The following MDGA2 variants were observed in gnomAD, a reference collection of about 807,000 sequenced individuals.
MDGA2 encodes MAM domain containing glycosylphosphatidylinositol anchor 2.
In MDGA2, 40 loss-of-function variants were observed where a neutral mutation model predicts 117.8. The observed-to-expected ratio is 0.34, with a 90% CI of 0.26 to 0.44. MDGA2 has a LOEUF of 0.44. Among genes scored for constraint, MDGA2 ranks in the 20% least tolerant of loss-of-function variants. The probability of loss-of-function intolerance (pLI) is 1.00; values close to 1 mark genes in which losing one functional copy is unlikely to be tolerated. For missense variants in MDGA2, 1,123 were observed against 1,250.6 expected (o/e 0.90, Z 1.54); for synonymous variants, 452 against 439.0 (o/e 1.03, Z -0.37).
chr14:47,540,158 C>T (rs1010356919), intron 1 of MDGA2, among the ~76,000 whole-genome samples: 6 of 152,060 alleles, frequency 3.9e-5, no homozygotes, highest in Non-Finnish European at 7.4e-5. Flanking sequence ...GGACTACAGG[C>T]GCCCGCCACC....
At chr14:46,946,559 T>G (rs960075930) in intron 9 of MDGA2, among the ~76,000 whole-genome samples, 1 of 152,076 alleles carries the variant, frequency 6.6e-6, no homozygotes, top group African/African-American at 2.4e-5. Context: ...GCCTGAAATA[T>G]TCATTCAATA....
At position 47,097,008 on chromosome 14, in the gene MDGA2, G is replaced by A; in HGVS notation, c.1041C>T (p.Val347=). The A allele has an allele frequency of 6.2e-7, 1 of 1,613,338 alleles. No individual in the cohort carries two copies. The highest frequency in any genetic ancestry group is 8.5e-7 in the Non-Finnish European group (1 of 1,179,490). ...TTTCAGGCAGAGTCCCAAAGGACCT[G>A]ACCCAGGTGAGAGAAGGTGCAGGCT... ...GGEPAPSLTW[V]RSFGTLPEKT... Residue 347 remains valine, a synonymous_variant, in exon 6 of 17, where the codon GTC becomes GTT. Coordinates refer to ENST00000399232, the MANE Select transcript of MDGA2 (RefSeq NM_001113498.3).
intron 1 of MDGA2, among the ~76,000 whole-genome samples, chr14:47,496,802 T>C (rs1202421452): frequency 6.6e-6 from 1 of 151,406 alleles, no homozygotes; most frequent in Non-Finnish European, 1.5e-5. Context: ...ACATATATGC[T>C]CAGTAAAATA....
chr14:46,839,942 A>G (rs1488263321), downstream of MDGA2: 4 of 151,984 alleles, frequency 2.6e-5, no homozygotes, highest in African/African-American at 7.2e-5. Flanking sequence ...AGGGGAGTGC[A>G]TCAGGGAGTT....
Position 47,390,511 on chromosome 14 carries a change from A to G in MDGA2, c.281-88961T>C, listed in dbSNP as rs549633189. 2.6e-5 allele frequency among the ~76,000 whole-genome samples: 4 copies of G among 152,312 alleles called. No homozygotes were observed. The South Asian group carries it at 8.3e-4, about 32-fold the overall frequency. ...GACAATATGCATGGTCACCCCAATT[A>G]CCAAATTAAGTTAGGATGAATTATG... On this transcript the variant is annotated intron_variant, in intron 1 of 16. Transcript: ENST00000399232.
At chr14:47,263,718 T>C (rs1448412179) in intron 2 of MDGA2, among the ~76,000 whole-genome samples, 1 of 152,182 alleles carries the variant, frequency 6.6e-6, no homozygotes, top group Non-Finnish European at 1.5e-5. Context: ...TGCTTGCATT[T>C]GGCAGAAGAT....
At chr14:47,006,263 T>C (rs1011062320) in intron 8 of MDGA2, among the ~76,000 whole-genome samples, 2 of 151,128 alleles carry the variant, frequency 1.3e-5, no homozygotes, top group African/African-American at 4.8e-5. Flanking sequence ...TTTTGTCTCA[T>C]GTTGTTTTCA....
chr14:47,633,724 A>C (rs1897277436), intron 1 of MDGA2, among the ~76,000 whole-genome samples: 1 of 152,178 alleles, frequency 6.6e-6, no homozygotes, highest in Non-Finnish European at 1.5e-5. Context: ...AATTCTACTG[A>C]TGCTGCTATA....
At chr14:47,114,122 C>T (rs927071654) in intron 5 of MDGA2, among the ~76,000 whole-genome samples, 2 of 152,054 alleles carry the variant, frequency 1.3e-5, no homozygotes, top group Admixed American at 1.3e-4. Flanking sequence ...AGTAGACAAG[C>T]AGAGAGCCAA....
chr14:47,537,324 G>T (rs1012032645), intron 1 of MDGA2, among the ~76,000 whole-genome samples: 4 of 104,504 alleles, frequency 3.8e-5, no homozygotes. Context: ...GGGGAGGGGG[G>T]AGGGATAGCA....
intron 6 of MDGA2, among the ~76,000 whole-genome samples, chr14:47,069,045 C>T (rs1358953655): frequency 1.3e-5 from 2 of 152,134 alleles, no homozygotes; most frequent in African/African-American, 4.8e-5. Flanking sequence ...CAGACTGAAA[C>T]TTGTTTAGGT....
Position 47,324,646 on chromosome 14 carries a change from C to A in MDGA2, c.281-23096G>T, listed in dbSNP as rs186744936. On this transcript the variant is annotated intron_variant, in intron 1 of 16. Transcript: ENST00000399232. ...AAAATGCAAAGATCACAAATTCATG[C>A]ATTTTTTTTTGACTATGAACCTTTG... Among the ~76,000 whole-genome samples the A allele has an allele frequency of 2.1e-3, 313 of 151,418 alleles. 1 individual carries two copies. Among genetic ancestry groups the A allele is most frequent in the African/African-American group, 7.3e-3 (303 of 41,472 alleles).
chr14:47,305,185 G>C (rs1889402539), intron 1 of MDGA2: 1 of 152,112 alleles, frequency 6.6e-6, no homozygotes, highest in African/African-American at 2.4e-5. Flanking sequence ...TATTATGGCA[G>C]TGCATTTGCT....
chr14:47,115,594 AG>A (rs1881285126), intron 5 of MDGA2, among the ~76,000 whole-genome samples: 4 of 152,186 alleles, frequency 2.6e-5, no homozygotes, highest in Admixed American at 2.6e-4. Context: ...AAAAAGATTC[AG>A]AGCATCATTT....
intron 9 of MDGA2, among the ~76,000 whole-genome samples, chr14:46,956,655 A>G (rs1351548059): frequency 1.3e-5 from 2 of 152,094 alleles, no homozygotes; most frequent in African/African-American, 4.8e-5. Flanking sequence ...ATAGAAAAAA[A>G]AAAATGTTTG....
chr14:47,656,675 C>T (rs942900084), intron 1 of MDGA2, among the ~76,000 whole-genome samples: 3 of 152,078 alleles, frequency 2.0e-5, no homozygotes, highest in African/African-American at 4.8e-5. Flanking sequence ...GGAGTGGGCA[C>T]AAAGTAGAGA....
At chr14:47,339,955 T>G (rs1300348500) in intron 1 of MDGA2, among the ~76,000 whole-genome samples, 1 of 152,196 alleles carries the variant, frequency 6.6e-6, no homozygotes. Context: ...ATTCTGAATT[T>G]TCAACAAATT....
At chr14:46,873,884 T>C (rs1432133455) in intron 13 of MDGA2, 161 bp downstream of exon 13, 7 of 645,634 alleles carry the variant, frequency 1.1e-5, no homozygotes, top group African/African-American at 3.8e-5. Context: ...AAAAAATTAA[T>C]GTCTACAAAG....
intron 1 of MDGA2, among the ~76,000 whole-genome samples, chr14:47,484,650 T>A (rs900760291): frequency 1.3e-5 from 2 of 152,136 alleles, no homozygotes; most frequent in Non-Finnish European, 2.9e-5. Flanking sequence ...CCCACCTAAA[T>A]CTCATCTTGT....
Sources: gnomAD v4.1 joint callset for allele counts (sites outside exome capture counted in the v4.1 genomes callset) on GRCh38, gnomAD v4.1.1 for gene constraint, MANE v1.5 for transcripts, NCBI Gene and HGNC (gene_info 2026-07-23, HGNC 2026-07-21) for gene names.